The following CDC42 variants were observed in gnomAD, a reference collection of about 807,000 sequenced individuals.
The protein encoded by CDC42 is cell division cycle 42.
A neutral mutation model predicts 20.8 loss-of-function variants in CDC42; 1 was observed. That is an observed-to-expected ratio of 0.05 (90% CI 0.02 to 0.23). CDC42 has a LOEUF of 0.23. Ranked by LOEUF, CDC42 falls within the 10% of genes least tolerant of loss-of-function variation. The probability of loss-of-function intolerance (pLI) is 1.00; values close to 1 mark genes in which losing one functional copy is unlikely to be tolerated. For synonymous variants in CDC42, 72 were observed against 84.8 expected (o/e 0.85, Z 0.83); for missense variants, 49 against 227.9 (o/e 0.21, Z 5.05).
chr1:22,062,010 C>G (rs558009935), intron 1 of CDC42, among the ~76,000 whole-genome samples: 1 of 152,192 alleles, frequency 6.6e-6, no homozygotes, highest in African/African-American at 2.4e-5. Context: ...GTGATCTTGG[C>G]TCACTGCAAC....
At chr1:22,088,468 C>G (rs968787575) in intron 5 of CDC42, among the ~76,000 whole-genome samples, 1 of 152,056 alleles carries the variant, frequency 6.6e-6, no homozygotes, top group Non-Finnish European at 1.5e-5. Flanking sequence ...TTTTTCTTAC[C>G]AGAGTTTGAA....
intron 5 of CDC42, 77 bp from the exon 6 acceptor site, chr1:22,091,351 G>A: frequency 2.3e-6 from 2 of 878,096 alleles, no homozygotes; most frequent in Non-Finnish European, 3.7e-6. Context: ...TTGGGGGTTT[G>A]AATGTTTTAA....
chr1:22,069,851 T>G (rs1160371808), intron 1 of CDC42, among the ~76,000 whole-genome samples: 1 of 152,128 alleles, frequency 6.6e-6, no homozygotes, highest in Non-Finnish European at 1.5e-5. Flanking sequence ...TGGAGTGCAG[T>G]GGCATAATCT....
rs1489044193 is a variant in CDC42, at chr1:22,096,845, T to TA, written c.*5329dup. Reference sequence around the variant, plus strand: ...TTTGGTTGCTACCTGCTAGAACTGTTACAGTAAATACACAGATCTATTTTG... The same window carrying TA: ...TTTGGTTGCTACCTGCTAGAACTGTTAACAGTAAATACACAGATCTATTTTG... On this transcript the variant is annotated 3_prime_UTR_variant, in exon 6 of 6. Coordinates refer to ENST00000656825, the MANE Select transcript of CDC42 (RefSeq NM_001791.4). 2.6e-5 allele frequency among the ~76,000 whole-genome samples: 4 copies of TA among 152,258 alleles called. No individual in the cohort carries two copies. Among genetic ancestry groups the TA allele is most frequent in the African/African-American group, 9.6e-5 (4 of 41,466 alleles).
At chr1:22,075,053 T>G (rs1645533640) in intron 1 of CDC42, among the ~76,000 whole-genome samples, 1 of 152,162 alleles carries the variant, frequency 6.6e-6, no homozygotes, top group South Asian at 2.1e-4. Flanking sequence ...AAGTGGCCTG[T>G]TTGGTAAACT....
rs1645729783 is a variant in CDC42 at position 22,092,710 on chromosome 1, T to G, written c.*1193T>G. 1 of 152,630 alleles carries G rather than the reference T, an allele frequency of 6.6e-6. No homozygotes were observed. Among genetic ancestry groups the G allele is most frequent in the Non-Finnish European group, 1.5e-5 (1 of 68,034 alleles). The allele number at this position is 152,630 out of a possible 1,614,324, so 9.5% of individuals were successfully genotyped here. A position where few individuals can be genotyped will look rare whatever the true frequency, so the allele number is the denominator to read the frequency against. ...AGAGCAGCCAGGTGAGGCTCTCTAGTTTAATAAAAATCATGGAAAGACTCT... is the reference window on the plus strand; with the variant it reads ...AGAGCAGCCAGGTGAGGCTCTCTAGGTTAATAAAAATCATGGAAAGACTCT... On this transcript the variant is annotated 3_prime_UTR_variant, in exon 6 of 6. Coordinates refer to ENST00000656825, the MANE Select transcript of CDC42 (RefSeq NM_001791.4).
rs368234616 is a variant in CDC42, at chr1:22,086,467, G to T, written c.207G>T (p.Pro69=). The T allele has an allele frequency of 1.2e-6, 2 of 1,604,248 alleles. No homozygotes were observed. The highest frequency in any genetic ancestry group is 1.7e-6 in the Non-Finnish European group (2 of 1,172,832). The change falls in exon 4 of 6, where the codon CCG becomes CCT. Residue 69 remains proline, a synonymous_variant. Coordinates refer to ENST00000656825, the MANE Select transcript of CDC42 (RefSeq NM_001791.4). ...AAGAGGATTATGACAGATTACGACC[G>T]CTGAGTTATCCACAAACAGATGTAT... ...AGQEDYDRLR[P]LSYPQTDVFL...
At chr1:22,091,174 T>C (rs114704933) in intron 5 of CDC42, among the ~76,000 whole-genome samples, 66 of 152,320 alleles carry the variant, frequency 4.3e-4, no homozygotes, top group Non-Finnish European at 7.6e-4. Context: ...GTGACATACA[T>C]TGGTCTGCGC....
rs895489182 is a variant in CDC42 at position 22,098,813 on chromosome 1, C to T, written c.*7296C>T. Among the ~76,000 whole-genome samples, 3 of 152,120 alleles carry T rather than the reference C, an allele frequency of 2.0e-5. No homozygotes were observed. Among genetic ancestry groups the T allele is most frequent in the Non-Finnish European group, 4.4e-5 (3 of 68,018 alleles). The stretch of plus-strand genomic sequence containing the variant: ...TCACTCTGTCACCCAGGCTGGAGTG[C>T]AGTGTCGTGGTCTTGGGTCACTGCA... On this transcript the variant is annotated 3_prime_UTR_variant, in exon 6 of 6. Transcript: ENST00000656825.
In CDC42 at chr1:22,099,549, T is replaced by C. The variant is rs1645776883; in HGVS notation, c.*8032T>C. Among the ~76,000 whole-genome samples, 1 of 152,212 alleles carries C rather than the reference T, an allele frequency of 6.6e-6. No homozygotes were observed. The highest frequency in any genetic ancestry group is 2.4e-5 in the African/African-American group (1 of 41,454). ...AAATGTATATGATTAATTACAAAGC[T>C]GAAAATCGTAGTTGAAGCATCATAT... On this transcript the variant is annotated 3_prime_UTR_variant, in exon 6 of 6. Coordinates refer to ENST00000656825, the MANE Select transcript of CDC42 (RefSeq NM_001791.4).
At chr1:22,089,469 C>T (rs541291168) in intron 5 of CDC42, among the ~76,000 whole-genome samples, 5 of 152,234 alleles carry the variant, frequency 3.3e-5, no homozygotes, top group African/African-American at 1.2e-4. Context: ...TCTTTAAAGT[C>T]CTTCTAGTTG....
chr1:22,066,189 T>C (rs1645421637), intron 1 of CDC42, among the ~76,000 whole-genome samples: 1 of 152,182 alleles, frequency 6.6e-6, no homozygotes, highest in Non-Finnish European at 1.5e-5. Flanking sequence ...ATAAGCCTAG[T>C]TGTTCTCTCA....
rs1436736376 is a variant in CDC42 at position 22,096,642 on chromosome 1, C to G, written c.*5125C>G. Among the ~76,000 whole-genome samples the G allele has an allele frequency of 6.6e-6, 1 of 152,224 alleles. No individual in the cohort carries two copies. Among genetic ancestry groups the G allele is most frequent in the African/African-American group, 2.4e-5 (1 of 41,456 alleles). ...AATAGCCTACAGGGTGCTTCATCCA[C>G]TCACTGTATTCTGTGTGCCTGTGCC... On this transcript the variant is annotated 3_prime_UTR_variant, in exon 6 of 6. Coordinates refer to ENST00000656825, the MANE Select transcript of CDC42 (RefSeq NM_001791.4).
intron 1 of CDC42, among the ~76,000 whole-genome samples, chr1:22,070,494 C>T (rs1220768489): frequency 7.9e-5 from 9 of 114,544 alleles, no homozygotes; most frequent in African/African-American, 2.1e-4. Flanking sequence ...GACAGAGTCT[C>T]GCTCTGTTGC....
intron 1 of CDC42, among the ~76,000 whole-genome samples, chr1:22,073,249 G>T (rs12076342): frequency 6.6e-6 from 1 of 152,058 alleles, no homozygotes; most frequent in Non-Finnish European, 1.5e-5. Context: ...TTAAGAACCT[G>T]GAAGAGGCCA....
chr1:22,064,812 G>A (rs546891732), intron 1 of CDC42, among the ~76,000 whole-genome samples: 1 of 152,224 alleles, frequency 6.6e-6, no homozygotes, highest in East Asian at 1.9e-4. Flanking sequence ...GAGTAGCTGG[G>A]ATTAAAGGCA....
intron 1 of CDC42, among the ~76,000 whole-genome samples, chr1:22,062,843 A>T (rs1054591079): frequency 4.6e-5 from 7 of 151,466 alleles, no homozygotes; most frequent in Admixed American, 1.3e-4. Flanking sequence ...CGTCTTTATA[A>T]CTTTGTCCTT....
Position 22,095,267 on chromosome 1 carries a change from T to A in CDC42, c.*3750T>A, listed in dbSNP as rs1645748774. On this transcript the variant is annotated 3_prime_UTR_variant, in exon 6 of 6. Coordinates refer to ENST00000656825, the MANE Select transcript of CDC42 (RefSeq NM_001791.4). The stretch of plus-strand genomic sequence containing the variant: ...TGTTTTCTTTCCAGGGCTGCTTGAA[T>A]GCTTGAATACTTTTTTTTTTGAGAT... 6.6e-6 allele frequency among the ~76,000 whole-genome samples: 1 copy of A among 152,148 alleles called. No individual in the cohort carries two copies. The highest frequency in any genetic ancestry group is 2.1e-4 in the South Asian group (1 of 4,818).
intron 5 of CDC42, chr1:22,090,948 C>A: frequency 4.1e-6 from 1 of 243,132 alleles, no homozygotes; most frequent in Non-Finnish European, 6.6e-6. Context: ...ACTATCTTTG[C>A]AGCTACCATA....
Sources: allele counts gnomAD v4.1 joint callset (sites outside exome capture counted in the v4.1 genomes callset), GRCh38; gene constraint gnomAD v4.1.1; transcripts MANE v1.5; gene names NCBI Gene and HGNC (gene_info 2026-07-23, HGNC 2026-07-21).